Variants in GLG1 observed in about 807,000 individuals in gnomAD.
GLG1 encodes golgi glycoprotein 1.
In GLG1, 38 loss-of-function variants were observed where a neutral mutation model predicts 160.5. The observed-to-expected ratio is 0.24, with a 90% CI of 0.18 to 0.31. The LOEUF (loss-of-function observed/expected upper bound fraction) is 0.31, where lower values mean the gene tolerates loss of function less well. Among genes scored for constraint, GLG1 ranks in the 10% least tolerant of loss-of-function variants. GLG1 has a pLI of 1.00. For synonymous variants in GLG1, 644 were observed against 543.4 expected (o/e 1.19, Z -2.57); for missense variants, 1,373 against 1,505.2 (o/e 0.91, Z 1.45).
Position 74,485,812 on chromosome 16 carries a change from TTA to T in GLG1, c.1553_1554del (p.Ile518LysfsTer25). 1.2e-6 allele frequency: 2 copies of T among 1,613,212 alleles called. No individual in the cohort carries two copies. Among genetic ancestry groups the T allele is most frequent in the Non-Finnish European group, 1.7e-6 (2 of 1,179,228 alleles). On this transcript the variant is annotated frameshift_variant, in exon 9 of 26. Coordinates refer to ENST00000422840, the MANE Select transcript of GLG1 (RefSeq NM_001145667.2). LOFTEE classifies it high-confidence loss of function. ...ESVIQTACKH[I>X]RSGDPMILSC... The stretch of plus-strand genomic sequence containing the variant: ...ATAACTTACATTGGGTCTCCAGATC[TTA>T]TATGTTTGCAGGCTGTCTGGATTAC...
At chr16:74,543,307 A>T (rs1351942053) in intron 1 of GLG1, among the ~76,000 whole-genome samples, 1 of 152,238 alleles carries the variant, frequency 6.6e-6, no homozygotes, top group African/African-American at 2.4e-5. Context: ...AATATATTTT[A>T]AAAACAGAAT....
At chr16:74,492,353 G>T (rs1393146068) in intron 7 of GLG1, among the ~76,000 whole-genome samples, 1 of 146,974 alleles carries the variant, frequency 6.8e-6, no homozygotes, top group Non-Finnish European at 1.5e-5. Flanking sequence ...GTGACAAAGC[G>T]AGACTCTGTC....
chr16:74,570,964 T>G (rs1349840053), intron 1 of GLG1, among the ~76,000 whole-genome samples: 1 of 152,114 alleles, frequency 6.6e-6, no homozygotes, highest in Non-Finnish European at 1.5e-5. Context: ...GTCTTTTTTT[T>G]TTTTTAACCA....
Position 74,480,289 on chromosome 16 carries a change from G to A in GLG1, c.1779C>T (p.Phe593=), listed in dbSNP as rs1482063180. The part of the protein sequence containing the change: ...TSEFMPQGAV[F]SCLYRHAYRT... The stretch of plus-strand genomic sequence containing the variant: ...GGTAGGCGTGTCTGTATAAACAAGA[G>A]AACACAGCTCCCTGAGGCATAAATT... Residue 593 remains phenylalanine, a synonymous_variant, in exon 11 of 26, where the codon TTC becomes TTT. Coordinates refer to ENST00000422840, the MANE Select transcript of GLG1 (RefSeq NM_001145667.2). 1.2e-6 allele frequency: 2 copies of A among 1,613,134 alleles called. No individual in the cohort carries two copies. Among genetic ancestry groups the A allele is most frequent in the African/African-American group, 1.3e-5 (1 of 75,054 alleles).
intron 1 of GLG1, among the ~76,000 whole-genome samples, chr16:74,591,897 T>A (rs1261507053): frequency 1.3e-5 from 2 of 152,156 alleles, no homozygotes; most frequent in African/African-American, 4.8e-5. Context: ...CCCTTATACG[T>A]GGGAGCAGAG....
At chr16:74,583,645 G>A (rs890441137) in intron 1 of GLG1, among the ~76,000 whole-genome samples, 4 of 152,164 alleles carry the variant, frequency 2.6e-5, no homozygotes, top group African/African-American at 9.7e-5. Context: ...CTCCCAAAGT[G>A]CTGGGATTAC....
At chr16:74,597,057 T>G (rs1405611956) in intron 1 of GLG1, among the ~76,000 whole-genome samples, 1 of 151,824 alleles carries the variant, frequency 6.6e-6, no homozygotes, top group Non-Finnish European at 1.5e-5. Flanking sequence ...AGGCAGAGGC[T>G]GCAGTGAATC....
In GLG1 at chr16:74,451,372, C is replaced by T. The variant is rs1655999722; in HGVS notation, c.*1795G>A. On this transcript the variant is annotated 3_prime_UTR_variant, in exon 26 of 26. Coordinates refer to ENST00000422840, the MANE Select transcript of GLG1 (RefSeq NM_001145667.2). ...TCAGTTGGCTTCTGGAACCCACTGCCTCCAGGAAGGGCAGCAAATAGAAAA... is the reference window on the plus strand; with the variant it reads ...TCAGTTGGCTTCTGGAACCCACTGCTTCCAGGAAGGGCAGCAAATAGAAAA... 1 of 152,158 alleles carries T rather than the reference C, an allele frequency of 6.6e-6. No homozygotes were observed. Among genetic ancestry groups the T allele is most frequent in the African/African-American group, 2.4e-5 (1 of 41,414 alleles). 9.4% of individuals were successfully genotyped at this position (152,158 alleles called of 1,614,324 possible).
intron 1 of GLG1, among the ~76,000 whole-genome samples, chr16:74,601,306 G>T (rs1177045171): frequency 2.0e-5 from 3 of 152,044 alleles, no homozygotes; most frequent in Non-Finnish European, 2.9e-5. Context: ...TAGGGGCAGG[G>T]TGTGGTGGCT....
intron 4 of GLG1, among the ~76,000 whole-genome samples, 153 bp downstream of exon 4, chr16:74,503,378 A>G (rs992832619): frequency 6.6e-6 from 1 of 152,144 alleles, no homozygotes; most frequent in Non-Finnish European, 1.5e-5. Flanking sequence ...TACATTGTCA[A>G]CCAGCCTTAG....
chr16:74,505,105 A>G (rs1341969311), intron 3 of GLG1, among the ~76,000 whole-genome samples: 1 of 152,224 alleles, frequency 6.6e-6, no homozygotes, highest in Non-Finnish European at 1.5e-5. Context: ...CATTCTCCCC[A>G]TTAGGCCTAT....
At chr16:74,520,005 C>A (rs115979785) in intron 2 of GLG1, among the ~76,000 whole-genome samples, 2 of 152,092 alleles carry the variant, frequency 1.3e-5, no homozygotes, top group Non-Finnish European at 2.9e-5. Flanking sequence ...TTTTCCTATA[C>A]GACTTTTAGT....
intron 1 of GLG1, among the ~76,000 whole-genome samples, chr16:74,576,475 C>T (rs548591261): frequency 7.2e-5 from 11 of 152,222 alleles, no homozygotes; most frequent in African/African-American, 2.2e-4. Flanking sequence ...AAGAGGCATA[C>T]CATACTTATT....
intron 1 of GLG1, among the ~76,000 whole-genome samples, chr16:74,542,716 G>GGGAGGGAGGAA (rs1567513828): frequency 6.7e-5 from 2 of 29,784 alleles, no homozygotes; most frequent in African/African-American, 2.5e-4. Context: ...AAGGGAAGAA[G>GGGAGGGAGGAA]GGAAGGAAGG....
At chr16:74,593,093 C>T (rs1459543504) in intron 1 of GLG1, among the ~76,000 whole-genome samples, 1 of 152,172 alleles carries the variant, frequency 6.6e-6, no homozygotes, top group Non-Finnish European at 1.5e-5. Flanking sequence ...CAAGCTGGCC[C>T]TCACCAGATA....
intron 1 of GLG1, among the ~76,000 whole-genome samples, chr16:74,594,017 C>A (rs1209140339): frequency 6.6e-6 from 1 of 152,114 alleles, no homozygotes; most frequent in Non-Finnish European, 1.5e-5. Flanking sequence ...AGCAATTCTC[C>A]TGCCTCACCC....
At chr16:74,533,949 A>G (rs2017616167) in intron 1 of GLG1, among the ~76,000 whole-genome samples, 1 of 152,232 alleles carries the variant, frequency 6.6e-6, no homozygotes, top group Non-Finnish European at 1.5e-5. Context: ...GCAATAAAGA[A>G]AATAGAACAC....
intron 1 of GLG1, among the ~76,000 whole-genome samples, chr16:74,601,492 C>T (rs1405625496): frequency 6.6e-6 from 1 of 151,838 alleles, no homozygotes; most frequent in Admixed American, 6.6e-5. Flanking sequence ...AAAATGCTTA[C>T]AGTCATTTGT....
rs1335863873 is a variant in GLG1, at chr16:74,468,755, A to G, written c.2436+191T>C. 5 of 582,650 alleles carry G rather than the reference A, an allele frequency of 8.6e-6. No individual in the cohort carries two copies. In the East Asian group the frequency reaches 1.1e-4, roughly 13 times the overall value. The allele number at this position is 582,650 out of a possible 1,614,324, so 36.1% of individuals were successfully genotyped here. On this transcript the variant is annotated intron_variant, in intron 17 of 25. Coordinates refer to ENST00000422840, the MANE Select transcript of GLG1 (RefSeq NM_001145667.2). ...GACTTCCAGTTACATGTGGGAAGAA[A>G]GGTTTTATCATTCAAAATCAAAAGA...
Sources: allele counts gnomAD v4.1 joint callset (sites outside exome capture counted in the v4.1 genomes callset), GRCh38; gene constraint gnomAD v4.1.1; transcripts MANE v1.5; gene names NCBI Gene and HGNC (gene_info 2026-07-23, HGNC 2026-07-21).